Variants in RGS20 observed in about 807,000 individuals in gnomAD.
RGS20 encodes regulator of G protein signaling 20.
Under a neutral mutation model 33.6 loss-of-function variants are expected in RGS20, and 30 were observed. The ratio of observed to expected loss-of-function variants is 0.89; its 90% CI spans 0.67 to 1.21. RGS20 has a LOEUF of 1.21. Among genes scored for constraint, RGS20 ranks in the 50% most tolerant of loss-of-function variants. RGS20 has a pLI of 0.00. For synonymous variants in RGS20, 208 were observed against 197.9 expected (o/e 1.05, Z -0.43); for missense variants, 472 against 502.4 (o/e 0.94, Z 0.58).
chr8:53,890,527 A>G (rs1812684365), intron 2 of RGS20, among the ~76,000 whole-genome samples: 1 of 152,232 alleles, frequency 6.6e-6, no homozygotes, highest in African/African-American at 2.4e-5. Context: ...TTCTTCCACC[A>G]GCAAGGATTG....
intron 2 of RGS20, among the ~76,000 whole-genome samples, chr8:53,883,178 C>A (rs1232519937): frequency 6.7e-6 from 1 of 149,140 alleles, no homozygotes; most frequent in East Asian, 2.0e-4. Context: ...TTCTTTGAGA[C>A]TGAGTTTCGC....
chr8:53,862,446 T>C (rs1811830043), intron 1 of RGS20, among the ~76,000 whole-genome samples: 1 of 152,162 alleles, frequency 6.6e-6, no homozygotes, highest in Admixed American at 6.5e-5. Context: ...ATGCAAATCC[T>C]GCTGGCTTCT....
intron 2 of RGS20, chr8:53,880,999 A>G (rs1443574371): frequency 2.5e-6 from 4 of 1,594,086 alleles, no homozygotes; most frequent in Non-Finnish European, 2.6e-6. Flanking sequence ...AATATTGAGA[A>G]GGCACCCGCG....
intron 1 of RGS20, among the ~76,000 whole-genome samples, chr8:53,864,224 G>A (rs1332707529): frequency 1.3e-5 from 2 of 151,160 alleles, no homozygotes; most frequent in African/African-American, 4.9e-5. Flanking sequence ...TCGATCAGGA[G>A]TTCAAGACCA....
chr8:53,868,738 T>C (rs2129270841), intron 1 of RGS20, among the ~76,000 whole-genome samples: 1 of 152,038 alleles, frequency 6.6e-6, no homozygotes, highest in Admixed American at 6.5e-5. Flanking sequence ...GATAAGAAAA[T>C]ATAGCAGTTT....
At chr8:53,875,999 A>G (rs1053657053) in intron 1 of RGS20, among the ~76,000 whole-genome samples, 3 of 152,190 alleles carry the variant, frequency 2.0e-5, no homozygotes, top group African/African-American at 4.8e-5. Flanking sequence ...TATAGTTTTC[A>G]CTGTCAGCTA....
intron 2 of RGS20, among the ~76,000 whole-genome samples, chr8:53,900,456 A>G (rs980454202): frequency 2.6e-5 from 4 of 152,178 alleles, no homozygotes; most frequent in African/African-American, 9.7e-5. Flanking sequence ...TTACAATCTT[A>G]AAACACCTAT....
In RGS20 at chr8:53,954,252, T is replaced by C; in HGVS notation, c.920T>C (p.Ile307Thr). Reference sequence around the variant, plus strand: ...AAAAAGGAAGCTAATAAAAACATTATTGAAGAGAAAGCAAGGATAATCTAT... The same window carrying C: ...AAAAAGGAAGCTAATAAAAACATTACTGAAGAGAAAGCAAGGATAATCTAT... The change falls in exon 5 of 6, where the codon ATT becomes ACT. Residue 307 changes from isoleucine (I) to threonine (T), a missense_variant. Physicochemically the swap from Ile to Thr is moderately conservative, Grantham distance 89. Coordinates refer to ENST00000297313, the MANE Select transcript of RGS20 (RefSeq NM_170587.4). 5.0e-6 allele frequency: 8 copies of C among 1,613,958 alleles called. No individual in the cohort carries two copies. The highest frequency in any genetic ancestry group is 1.1e-5 in the South Asian group (1 of 91,080).
At chr8:53,859,317 G>A (rs938456473) in intron 1 of RGS20, among the ~76,000 whole-genome samples, 1 of 152,056 alleles carries the variant, frequency 6.6e-6, no homozygotes, top group Admixed American at 6.6e-5. Flanking sequence ...TATTTTAAAT[G>A]GCAAAAAATA....
chr8:53,934,955 C>T (rs2129289412), intron 2 of RGS20, among the ~76,000 whole-genome samples: 1 of 152,332 alleles, frequency 6.6e-6, no homozygotes, highest in South Asian at 2.1e-4. Flanking sequence ...GAATAAGAAA[C>T]TCACTCAAAA....
chr8:53,902,977 C>T (rs931706605), intron 2 of RGS20, among the ~76,000 whole-genome samples: 2 of 152,100 alleles, frequency 1.3e-5, no homozygotes, highest in South Asian at 2.1e-4. Context: ...CTGCCCACCT[C>T]GACCTCCCAA....
At chr8:53,913,039 C>A (rs1249962668) in intron 2 of RGS20, among the ~76,000 whole-genome samples, 1 of 151,704 alleles carries the variant, frequency 6.6e-6, no homozygotes, top group African/African-American at 2.4e-5. Context: ...AAACTCAGCT[C>A]ACTGCAAACT....
intron 4 of RGS20, among the ~76,000 whole-genome samples, chr8:53,951,279 G>A (rs542425193): frequency 6.6e-6 from 1 of 152,270 alleles, no homozygotes; most frequent in South Asian, 2.1e-4. Context: ...GAGTCCAGGA[G>A]TTTGAGACCA....
intron 2 of RGS20, among the ~76,000 whole-genome samples, chr8:53,937,687 G>GA (rs1304138653): frequency 2.0e-5 from 3 of 151,806 alleles, no homozygotes; most frequent in Non-Finnish European, 2.9e-5. Context: ...AAATTTACAA[G>GA]AAAAAAACAA....
intron 2 of RGS20, among the ~76,000 whole-genome samples, chr8:53,920,715 A>G (rs954683084): frequency 6.6e-6 from 1 of 152,000 alleles, no homozygotes; most frequent in African/African-American, 2.4e-5. Context: ...TTATATGCCA[A>G]TTTTGCTGAA....
intron 2 of RGS20, among the ~76,000 whole-genome samples, chr8:53,904,078 G>C (rs1813101575): frequency 6.6e-6 from 1 of 151,354 alleles, no homozygotes; most frequent in South Asian, 2.1e-4. Flanking sequence ...CTTACCAAGA[G>C]AGAAAAAACA....
At position 53,958,498 on chromosome 8, in the gene RGS20, G is replaced by T; in HGVS notation, c.*40G>T. ...ATTTATTATTAATAAAATAATAAAA[G>T]AATTCATGGGCTACAACTAGCACAG... On this transcript the variant is annotated 3_prime_UTR_variant, in exon 6 of 6. Transcript: ENST00000297313. The T allele has an allele frequency of 5.3e-6, 6 of 1,133,250 alleles. No homozygotes were observed. Among genetic ancestry groups the T allele is most frequent in the Non-Finnish European group, 4.7e-6 (4 of 859,120 alleles). The allele number at this position is 1,133,250 out of a possible 1,614,324, so 70.2% of individuals were successfully genotyped here.
At chr8:53,929,731 G>A (rs1813901883) in intron 2 of RGS20, among the ~76,000 whole-genome samples, 1 of 152,054 alleles carries the variant, frequency 6.6e-6, no homozygotes, top group Non-Finnish European at 1.5e-5. Context: ...GGCTATATTT[G>A]GTCCTAAGAA....
intron 2 of RGS20, among the ~76,000 whole-genome samples, chr8:53,921,070 G>A (rs142042805): frequency 6.6e-6 from 1 of 152,076 alleles, no homozygotes; most frequent in Non-Finnish European, 1.5e-5. Context: ...AAATAATCTT[G>A]CTCTGTCTAT....
Sources: allele counts gnomAD v4.1 joint callset (sites outside exome capture counted in the v4.1 genomes callset), GRCh38; gene constraint gnomAD v4.1.1; transcripts MANE v1.5; gene names NCBI Gene and HGNC (gene_info 2026-07-23, HGNC 2026-07-21).